Variants in LDAH observed in about 807,000 individuals in gnomAD.
LDAH encodes lipid droplet-associated hydrolase.
LDAH carries 26 observed loss-of-function variants against 29.6 expected under a neutral mutation model. The ratio of observed to expected loss-of-function variants is 0.88; its 90% CI spans 0.64 to 1.22. LDAH has a LOEUF of 1.22. Among genes scored for constraint, LDAH ranks in the 50% most tolerant of loss-of-function variants. LDAH has a pLI of 0.00. For synonymous variants in LDAH, 117 were observed against 133.0 expected, an observed-to-expected ratio of 0.88 and a Z score of 0.83; for missense variants, 344 against 387.3, an observed-to-expected ratio of 0.89 and a Z score of 0.94.
chr2:20,791,656 A>G (rs1442867833), intron 2 of LDAH, among the ~76,000 whole-genome samples: 1 of 152,196 alleles, frequency 6.6e-6, no homozygotes, highest in African/African-American at 2.4e-5. Context: ...ATAGCTAAGG[A>G]AGAAAGAAGG....
intron 6 of LDAH, among the ~76,000 whole-genome samples, chr2:20,700,289 C>T (rs1476966999): frequency 6.6e-6 from 1 of 152,180 alleles, no homozygotes; most frequent in Non-Finnish European, 1.5e-5. Flanking sequence ...CAATCTCTAG[C>T]CAACTGCTAT....
At chr2:20,696,429 T>G (rs980209169) in intron 6 of LDAH, among the ~76,000 whole-genome samples, 13 of 152,174 alleles carry the variant, frequency 8.5e-5, no homozygotes, top group African/African-American at 3.1e-4. Context: ...AGCACCACCT[T>G]ACAGGCAGCC....
chr2:20,731,437 G>A (rs879534772), intron 5 of LDAH, among the ~76,000 whole-genome samples: 4 of 152,170 alleles, frequency 2.6e-5, no homozygotes, highest in Admixed American at 1.3e-4. Context: ...TGAGGCGTCC[G>A]CAGAAGTGGA....
intron 1 of LDAH, among the ~76,000 whole-genome samples, chr2:20,807,443 A>G (rs1172557634): frequency 1.3e-5 from 2 of 152,144 alleles, no homozygotes; most frequent in African/African-American, 4.8e-5. Context: ...TGCAAAAACT[A>G]TTCAAAATAT....
chr2:20,729,127 A>T (rs536672658), intron 5 of LDAH, among the ~76,000 whole-genome samples: 2 of 152,302 alleles, frequency 1.3e-5, no homozygotes, highest in South Asian at 2.1e-4. Flanking sequence ...TCTTATGCCT[A>T]AACTGTCTTG....
chr2:20,765,225 G>A (rs994475839), intron 4 of LDAH, among the ~76,000 whole-genome samples: 12 of 152,086 alleles, frequency 7.9e-5, no homozygotes, highest in Admixed American at 2.0e-4. Context: ...CTACGCTTGG[G>A]CTGTTCCTCT....
At chr2:20,806,000 G>GCTT (rs1311472067) in intron 1 of LDAH, among the ~76,000 whole-genome samples, 1 of 151,946 alleles carries the variant, frequency 6.6e-6, no homozygotes, top group Non-Finnish European at 1.5e-5. Flanking sequence ...ATCTTAATCA[G>GCTT]CTTCAGCAAA....
intron 4 of LDAH, among the ~76,000 whole-genome samples, chr2:20,762,528 A>G (rs1668761863): frequency 6.6e-6 from 1 of 152,092 alleles, no homozygotes; most frequent in South Asian, 2.1e-4. Flanking sequence ...TAATAGTAAT[A>G]GTTAATTTTG....
At chr2:20,784,100 A>G (rs1433793264) in intron 3 of LDAH, among the ~76,000 whole-genome samples, 1 of 152,204 alleles carries the variant, frequency 6.6e-6, no homozygotes, top group East Asian at 1.9e-4. Flanking sequence ...TATTTAGACC[A>G]TTCACATTTA....
chr2:20,750,414 G>T (rs896124564), intron 4 of LDAH, among the ~76,000 whole-genome samples: 1 of 152,124 alleles, frequency 6.6e-6, no homozygotes, highest in African/African-American at 2.4e-5. Flanking sequence ...TCCCTAATGG[G>T]ACTGGATAGC....
intron 4 of LDAH, among the ~76,000 whole-genome samples, chr2:20,769,412 C>G (rs572945660): frequency 1.3e-5 from 2 of 152,288 alleles, no homozygotes; most frequent in East Asian, 3.9e-4. Context: ...CTATTCTTCT[C>G]CCTCCCTCCA....
intron 1 of LDAH, among the ~76,000 whole-genome samples, chr2:20,815,948 G>T (rs1053233565): frequency 1.3e-5 from 2 of 152,044 alleles, no homozygotes; most frequent in Non-Finnish European, 2.9e-5. Context: ...ATTTGATGTG[G>T]TGTTCAAGGT....
At chr2:20,730,344 C>T (rs1467452653) in intron 5 of LDAH, among the ~76,000 whole-genome samples, 3 of 152,164 alleles carry the variant, frequency 2.0e-5, no homozygotes. Flanking sequence ...GTGTTAACTG[C>T]TGGGTCATAG....
intron 5 of LDAH, among the ~76,000 whole-genome samples, chr2:20,705,105 C>T (rs984816838): frequency 2.6e-5 from 4 of 152,168 alleles, no homozygotes; most frequent in African/African-American, 7.2e-5. Context: ...AAAAGATACA[C>T]AGGAATTTTT....
chr2:20,820,086 T>G (rs1673146852), intron 1 of LDAH, among the ~76,000 whole-genome samples: 1 of 151,908 alleles, frequency 6.6e-6, no homozygotes, highest in Non-Finnish European at 1.5e-5. Context: ...CAAGGAGAAC[T>G]ACAAACCACT....
chr2:20,794,388 C>A (rs1401837101), intron 2 of LDAH, among the ~76,000 whole-genome samples: 1 of 152,084 alleles, frequency 6.6e-6, no homozygotes, highest in East Asian at 1.9e-4. Flanking sequence ...CTAACTCATT[C>A]TATGAGGCCA....
chr2:20,751,415 T>A, intron 4 of LDAH, among the ~76,000 whole-genome samples: 1 of 152,234 alleles, frequency 6.6e-6, no homozygotes, highest in East Asian at 1.9e-4. Flanking sequence ...CAGACTTTTA[T>A]TGTAAGGTAA....
rs1341498416 is a variant in LDAH, at chr2:20,774,880, A to G, written c.398T>C (p.Leu133Pro). Reference protein sequence around the residue: ...LRTHVPKDMKLVLIGHSIGSY... With the variant: ...LRTHVPKDMKPVLIGHSIGSY... ...GCCTATTGAATGGCCAATGAGCACA[A>G]GTTTCATGTCCTTTGGCACATGAGT... Residue 133 changes from leucine to proline, a missense_variant, in exon 4 of 7, where the codon CTT becomes CCT. Coordinates refer to ENST00000237822, the MANE Select transcript of LDAH (RefSeq NM_021925.4). 11 of 1,613,620 alleles carry G rather than the reference A, an allele frequency of 6.8e-6. No homozygotes were observed. Among genetic ancestry groups the G allele is most frequent in the Non-Finnish European group, 4.2e-6 (5 of 1,179,972 alleles).
intron 3 of LDAH, among the ~76,000 whole-genome samples, chr2:20,780,553 T>C (rs1670124474): frequency 6.6e-6 from 1 of 152,136 alleles, no homozygotes; most frequent in African/African-American, 2.4e-5. Flanking sequence ...AGCATAAGGT[T>C]AAAAAGGAAA....
Sources: gnomAD v4.1 joint callset for allele counts (sites outside exome capture counted in the v4.1 genomes callset) on GRCh38, gnomAD v4.1.1 for gene constraint, MANE v1.5 for transcripts, NCBI Gene and HGNC (gene_info 2026-07-23, HGNC 2026-07-21) for gene names.